IQCH: variants seen among roughly 807,000 people sequenced by gnomAD.
The protein encoded by IQCH is IQ domain-containing protein H.
Under a neutral mutation model 117.0 loss-of-function variants are expected in IQCH, and 98 were observed. The ratio of observed to expected loss-of-function variants is 0.84; its 90% CI spans 0.71 to 0.99. The LOEUF (loss-of-function observed/expected upper bound fraction) is 0.99. Ranked by LOEUF, IQCH falls within the 50% of genes least tolerant of loss-of-function variation. The pLI is 0.00. For missense variants in IQCH, 1,102 were observed against 1,243.8 expected, an observed-to-expected ratio of 0.89 and a Z score of 1.72; for synonymous variants, 412 against 448.2, an observed-to-expected ratio of 0.92 and a Z score of 1.02.
Position 67,407,186 on chromosome 15 carries a change from T to C in IQCH, c.2097+6881T>C, listed in dbSNP as rs1001217067. On this transcript the variant is annotated intron_variant, in intron 14 of 20. Coordinates refer to ENST00000335894, the MANE Select transcript of IQCH (RefSeq NM_001031715.3). This position sits in a 1 kb window ranked among gnomAD's most constrained non-coding sequence, Gnocchi z 5.3. ...TAAGTCTTCATAGCAGCCTGCTTTC[T>C]TATCATTTAGAAATATAAAACAGTT... The C allele has an allele frequency of 6.6e-6, 1 of 152,238 alleles. No homozygotes were observed. The highest frequency in any genetic ancestry group is 1.5e-5 in the Non-Finnish European group (1 of 68,038). The allele number at this position is 152,238 out of a possible 1,614,324, so 9.4% of individuals were successfully genotyped here. A position where few individuals can be genotyped will look rare whatever the true frequency, so the allele number is the denominator to read the frequency against.
intron 1 of IQCH, among the ~76,000 whole-genome samples, chr15:67,258,988 G>A (rs1965347401): frequency 6.6e-6 from 1 of 152,092 alleles, no homozygotes; most frequent in South Asian, 2.1e-4. Flanking sequence ...AGCAAGAAAA[G>A]GAAAAACTCT....
At position 67,366,295 on chromosome 15, in the gene IQCH, G is replaced by C. The variant is rs113641613; in HGVS notation, c.754-5816G>C. Among the ~76,000 whole-genome samples, 1 of 152,202 alleles carries C rather than the reference G, an allele frequency of 6.6e-6. No individual in the cohort carries two copies. Among genetic ancestry groups the C allele is most frequent in the African/African-American group, 2.4e-5 (1 of 41,528 alleles). ...TCACATTTTCTCAGAGAATATTAGA[G>C]GTATAACAGAAAAGATGAAATCAAT... On this transcript the variant is annotated intron_variant, in intron 8 of 20. Transcript: ENST00000335894. This position sits in a 1 kb window ranked among gnomAD's most constrained non-coding sequence, Gnocchi z 4.4.
chr15:67,449,723 T>C (rs1408758058), intron 16 of IQCH, among the ~76,000 whole-genome samples: 1 of 152,144 alleles, frequency 6.6e-6, no homozygotes, highest in Non-Finnish European at 1.5e-5. Flanking sequence ...TTTTGGGTTC[T>C]ATATGAACTT....
At chr15:67,329,359 G>A (rs1179305310) in intron 4 of IQCH, among the ~76,000 whole-genome samples, 1 of 151,750 alleles carries the variant, frequency 6.6e-6, no homozygotes, top group African/African-American at 2.4e-5. Context: ...ACCCATTCCT[G>A]GTGTGAAAAA....
intron 4 of IQCH, among the ~76,000 whole-genome samples, chr15:67,290,611 A>AT (rs567472904): frequency 6.6e-6 from 1 of 152,078 alleles, no homozygotes; most frequent in African/African-American, 2.4e-5. Flanking sequence ...ACTTGAAAAC[A>AT]TTTTTTTGAA....
At chr15:67,261,218 A>G (rs952765134) in intron 1 of IQCH, 54 bp from the exon 2 acceptor site, 20 of 1,277,602 alleles carry the variant, frequency 1.6e-5, no homozygotes, top group Non-Finnish European at 2.0e-5. Flanking sequence ...AATAACTGCT[A>G]TAGGTGGACT....
chr15:67,463,713 T>C lies in IQCH; in HGVS notation c.2506-1414T>C, dbSNP rs2082859138. 6.6e-6 allele frequency among the ~76,000 whole-genome samples: 1 copy of C among 152,264 alleles called. No homozygotes were observed. The highest frequency in any genetic ancestry group is 2.1e-4 in the South Asian group (1 of 4,834). On this transcript the variant is annotated intron_variant, in intron 16 of 20. Coordinates refer to ENST00000335894, the MANE Select transcript of IQCH (RefSeq NM_001031715.3). This position sits in a 1 kb window ranked among gnomAD's most constrained non-coding sequence, Gnocchi z 4.0. The stretch of plus-strand genomic sequence containing the variant: ...GGTCACCTTCATGATGCAGCCCTGA[T>C]TTCATTAGACAAACCCAGTCTGTCC...
chr15:67,452,036 A>G (rs2082540396), intron 16 of IQCH, among the ~76,000 whole-genome samples: 1 of 152,164 alleles, frequency 6.6e-6, no homozygotes, highest in South Asian at 2.1e-4. Context: ...TTCAGAGACT[A>G]GGATTGCAAC....
intron 3 of IQCH, among the ~76,000 whole-genome samples, chr15:67,271,200 C>T (rs1423730384): frequency 3.3e-5 from 5 of 152,152 alleles, no homozygotes; most frequent in African/African-American, 9.7e-5. Flanking sequence ...GAACTCCTGA[C>T]GTTGTGATCC....
rs1332267951 is a variant in IQCH at position 67,443,085 on chromosome 15, C to T, written c.2505+21508C>T. 3.3e-5 allele frequency among the ~76,000 whole-genome samples: 5 copies of T among 151,848 alleles called. No individual in the cohort carries two copies. The highest frequency in any genetic ancestry group is 6.6e-5 in the Admixed American group (1 of 15,244). On this transcript the variant is annotated intron_variant, in intron 16 of 20. Coordinates refer to ENST00000335894, the MANE Select transcript of IQCH (RefSeq NM_001031715.3). The surrounding 1 kb of genome is among the most constrained non-coding windows in gnomAD (Gnocchi z 5.0). ...TCGGCTCACTGCAAGCTCCGCCTCC[C>T]GGGTTCACACCATTTTCCTGCCTCA...
chr15:67,329,394 T>C (rs1968561503), intron 4 of IQCH, among the ~76,000 whole-genome samples: 2 of 152,200 alleles, frequency 1.3e-5, no homozygotes, highest in East Asian at 3.9e-4. Flanking sequence ...CATCTCCATA[T>C]ATTAATTCAT....
At position 67,427,279 on chromosome 15, in the gene IQCH, T is replaced by C. The variant is rs911260575; in HGVS notation, c.2505+5702T>C. On this transcript the variant is annotated intron_variant, in intron 16 of 20. Coordinates refer to ENST00000335894, the MANE Select transcript of IQCH (RefSeq NM_001031715.3). This position sits in a 1 kb window ranked among gnomAD's most constrained non-coding sequence, Gnocchi z 4.7. ...ACTCTATCTGTGCCCTACCCCTCCA[T>C]GCCTCATGTGCTTGGATCCCAATCC... Among the ~76,000 whole-genome samples the C allele has an allele frequency of 2.2e-4, 34 of 152,328 alleles. No individual in the cohort carries two copies. Among genetic ancestry groups the C allele is most frequent in the African/African-American group, 7.5e-4 (31 of 41,574 alleles).
rs540491888 is a variant in IQCH, at chr15:67,340,476, C to T, written c.508+3381C>T. 5.9e-5 allele frequency among the ~76,000 whole-genome samples: 7 copies of T among 119,628 alleles called. No homozygotes were observed. In the East Asian group the frequency reaches 1.8e-3, roughly 30 times the overall value. The allele number at this position is 119,628 out of a possible 152,430, so 78.5% of individuals were successfully genotyped here. On this transcript the variant is annotated intron_variant, in intron 5 of 20. Transcript: ENST00000335894. ...AAAAAAAAAAAAAACAGTAACTTGT[C>T]ATACCTGATTAAATAAACATTATTC... is the stretch of plus-strand genomic sequence containing the variant.
At chr15:67,320,170 C>A (rs1968047274) in intron 4 of IQCH, among the ~76,000 whole-genome samples, 1 of 152,192 alleles carries the variant, frequency 6.6e-6, no homozygotes, top group Non-Finnish European at 1.5e-5. Flanking sequence ...TAAAAAGAGC[C>A]CCAGCAGTTC....
chr15:67,414,205 C>T lies in IQCH; in HGVS notation c.2098-2726C>T, dbSNP rs144339174. Among the ~76,000 whole-genome samples the T allele has an allele frequency of 4.1e-3, 631 of 152,320 alleles. 4 individuals are homozygous for T. Among genetic ancestry groups the T allele is most frequent in the African/African-American group, 0.013 (541 of 41,568 alleles). On this transcript the variant is annotated intron_variant, in intron 14 of 20. Coordinates refer to ENST00000335894, the MANE Select transcript of IQCH (RefSeq NM_001031715.3). ...GTTTTATCTTATTCTGTAACTTCAG[C>T]TTTAAGGACTACGTCCTATGTTTAC...
chr15:67,373,708 T>C lies in IQCH; in HGVS notation c.1372+275T>C, dbSNP rs1176123288. 2.2e-5 allele frequency: 12 copies of C among 536,874 alleles called. No homozygotes were observed. In the Admixed American group the frequency reaches 3.1e-4, roughly 14 times the overall value. The allele number at this position is 536,874 out of a possible 1,614,324, so 33.3% of individuals were successfully genotyped here. A position where few individuals can be genotyped will look rare whatever the true frequency, so the allele number is the denominator to read the frequency against. On this transcript the variant is annotated intron_variant, in intron 10 of 20. Transcript: ENST00000335894. ...CATCTGTATGAAATGAACTAAAAAGTTGTATTTTTCCCCGAAATAACAGAT... is the reference window on the plus strand; with the variant it reads ...CATCTGTATGAAATGAACTAAAAAGCTGTATTTTTCCCCGAAATAACAGAT...
chr15:67,397,854 C>T (rs988158442), intron 13 of IQCH, among the ~76,000 whole-genome samples: 1 of 152,148 alleles, frequency 6.6e-6, no homozygotes, highest in East Asian at 1.9e-4. Context: ...CTAGCATGAA[C>T]ACAGTGAGCA....
At chr15:67,289,612 T>C (rs778407241) in intron 4 of IQCH, among the ~76,000 whole-genome samples, 5 of 152,104 alleles carry the variant, frequency 3.3e-5, no homozygotes, top group Non-Finnish European at 7.4e-5. Context: ...TCATACAGTG[T>C]TGAATCTGAG....
intron 18 of IQCH, among the ~76,000 whole-genome samples, chr15:67,477,138 C>T (rs1406063747): frequency 3.3e-5 from 5 of 149,644 alleles, no homozygotes; most frequent in Non-Finnish European, 7.4e-5. Context: ...GCAACCTCCG[C>T]CTCCTGGGTT....
Sources: allele counts gnomAD v4.1 joint callset (sites outside exome capture counted in the v4.1 genomes callset), GRCh38; gene constraint gnomAD v4.1.1; non-coding constraint Gnocchi (gnomAD v3.1); transcripts MANE v1.5; gene names NCBI Gene and HGNC (gene_info 2026-07-23, HGNC 2026-07-21).